The following AKT3 variants were observed in gnomAD, a reference collection of about 807,000 sequenced individuals.
The protein encoded by AKT3 is RAC-gamma serine/threonine-protein kinase.
In AKT3, 15 loss-of-function variants were observed where a neutral mutation model predicts 65.3. That is an observed-to-expected ratio of 0.23 (90% CI 0.15 to 0.35). The LOEUF (loss-of-function observed/expected upper bound fraction) is 0.35. Among genes scored for constraint, AKT3 ranks in the 10% least tolerant of loss-of-function variants. AKT3 has a pLI of 1.00. For synonymous variants in AKT3, 206 were observed against 183.8 expected, an observed-to-expected ratio of 1.12 and a Z score of -0.98; for missense variants, 243 against 576.5, an observed-to-expected ratio of 0.42 and a Z score of 5.92.
chr1:243,686,382 T>A (rs1684293130), intron 3 of AKT3, among the ~76,000 whole-genome samples: 1 of 151,762 alleles, frequency 6.6e-6, no homozygotes, highest in Admixed American at 6.6e-5. Flanking sequence ...AGGCATGAAA[T>A]GAAACTAGAA....
At chr1:243,628,277 CACTT>C (rs1301530503) in intron 6 of AKT3, among the ~76,000 whole-genome samples, 1 of 152,074 alleles carries the variant, frequency 6.6e-6, no homozygotes, top group Non-Finnish European at 1.5e-5. Flanking sequence ...TGCAAGAAGA[CACTT>C]ACCATATTCA....
At chr1:243,603,267 G>A (rs1010424400) in intron 8 of AKT3, among the ~76,000 whole-genome samples, 5 of 152,168 alleles carry the variant, frequency 3.3e-5, no homozygotes, top group African/African-American at 1.2e-4. Flanking sequence ...TACAGCCAAG[G>A]TGCATACCTT....
rs555968559 is a variant in AKT3, at chr1:243,778,214, T to C, written c.46+64911A>G. On this transcript the variant is annotated intron_variant, in intron 2 of 13. Transcript: ENST00000673466. The stretch of plus-strand genomic sequence containing the variant: ...ATAACATACATTAATGCTTTTCTAC[T>C]GGGAATACAGTGAAAAAAATACACT... Among the ~76,000 whole-genome samples the C allele has an allele frequency of 6.0e-4, 91 of 152,310 alleles. 1 individual carries two copies. In the South Asian group the frequency reaches 0.013, roughly 22 times the overall value.
At chr1:243,821,905 T>C (rs1184892813) in intron 2 of AKT3, among the ~76,000 whole-genome samples, 1 of 152,192 alleles carries the variant, frequency 6.6e-6, no homozygotes, top group Non-Finnish European at 1.5e-5. Flanking sequence ...ATTCAGGACC[T>C]GAACTCAGCT....
At chr1:243,538,372 CAA>C (rs977315935) in intron 12 of AKT3, among the ~76,000 whole-genome samples, 40 of 139,176 alleles carry the variant, frequency 2.9e-4, no homozygotes, top group African/African-American at 1.0e-3. Context: ...AGAAGGCAGA[CAA>C]AGAGAAAAAA....
intron 13 of AKT3, among the ~76,000 whole-genome samples, chr1:243,507,055 T>TC (rs768061210): frequency 1.3e-5 from 2 of 152,228 alleles, no homozygotes; most frequent in Non-Finnish European, 2.9e-5. Flanking sequence ...TAAACAATTT[T>TC]CCTCACCAAC....
At chr1:243,691,934 A>C (rs1456931833) in intron 3 of AKT3, among the ~76,000 whole-genome samples, 1 of 152,346 alleles carries the variant, frequency 6.6e-6, no homozygotes, top group East Asian at 1.9e-4. Flanking sequence ...GTTAAATACC[A>C]GAACTGTGCA....
chr1:243,819,102 C>G (rs1693705674), intron 2 of AKT3, among the ~76,000 whole-genome samples: 1 of 152,252 alleles, frequency 6.6e-6, no homozygotes, highest in Non-Finnish European at 1.5e-5. Flanking sequence ...GTTTGGCGGT[C>G]ACTCAACTGG....
intron 6 of AKT3, among the ~76,000 whole-genome samples, chr1:243,633,355 T>A (rs1266022601): frequency 6.6e-6 from 1 of 152,164 alleles, no homozygotes; most frequent in Non-Finnish European, 1.5e-5. Flanking sequence ...CAAAAAAATA[T>A]AAAAGCTAGT....
chr1:243,592,118 G>A lies in AKT3; in HGVS notation c.697-19070C>T, dbSNP rs146037737. On this transcript the variant is annotated intron_variant, in intron 8 of 13. Transcript: ENST00000673466. ...TGGGAGGCCAAGCTGGGCGGATCAC[G>A]AGGTCAGGAGATCGAGACCATCCTG... Among the ~76,000 whole-genome samples the A allele has an allele frequency of 5.1e-3, 776 of 152,150 alleles. 9 individuals carry two copies. The highest frequency in any genetic ancestry group is 0.018 in the African/African-American group (734 of 41,514).
At chr1:243,646,676 C>T (rs976973302) in intron 4 of AKT3, among the ~76,000 whole-genome samples, 2 of 151,888 alleles carry the variant, frequency 1.3e-5, no homozygotes, top group Non-Finnish European at 2.9e-5. Context: ...TTAAGTTGAC[C>T]CCCTAAAAGT....
intron 2 of AKT3, among the ~76,000 whole-genome samples, chr1:243,811,484 AAGG>A (rs1328354291): frequency 1.3e-5 from 2 of 152,236 alleles, no homozygotes; most frequent in Non-Finnish European, 1.5e-5. Context: ...GACCTCCTTC[AAGG>A]AGAACTACAA....
intron 12 of AKT3, among the ~76,000 whole-genome samples, chr1:243,532,684 A>C (rs1671621996): frequency 6.6e-6 from 1 of 152,018 alleles, no homozygotes; most frequent in South Asian, 2.1e-4. Context: ...GAGAGTGTTC[A>C]CTCCTCTTCA....
intron 2 of AKT3, among the ~76,000 whole-genome samples, chr1:243,817,671 C>CAACCT (rs1327029913): frequency 7.9e-4 from 121 of 152,314 alleles, no homozygotes; most frequent in African/African-American, 2.8e-3. Context: ...ACCTAGAAGG[C>CAACCT]AGAGGTTGCA....
chr1:243,545,647 T>C, intron 11 of AKT3, 50 bp from the exon 12 acceptor site: 1 of 1,293,056 alleles, frequency 7.7e-7, no homozygotes. Context: ...TTACATAAGC[T>C]CAAAGCATAA....
At position 243,590,223 on chromosome 1, in the gene AKT3, A is replaced by T. The variant is rs145697908; in HGVS notation, c.697-17175T>A. ...TACTGTATATTTAAAATTTGCTAAG[A>T]GAGTAGGTCTTAGGTATTCTCATCA... is the stretch of plus-strand genomic sequence containing the variant. On this transcript the variant is annotated intron_variant, in intron 8 of 13. Transcript: ENST00000673466. Among the ~76,000 whole-genome samples the T allele has an allele frequency of 8.5e-5, 13 of 152,304 alleles. No individual in the cohort carries two copies. The East Asian group carries it at 2.5e-3, about 29-fold the overall frequency.
chr1:243,810,833 T>A (rs1424181617), intron 2 of AKT3, among the ~76,000 whole-genome samples: 2 of 152,148 alleles, frequency 1.3e-5, no homozygotes, highest in Non-Finnish European at 2.9e-5. Context: ...TCCACCATGA[T>A]CAAGTGGGCT....
intron 13 of AKT3, chr1:243,489,171 T>A (rs753367342): frequency 3.7e-6 from 6 of 1,608,118 alleles, no homozygotes; most frequent in Non-Finnish European, 5.1e-6. Context: ...CAGGTGGGAG[T>A]CCTTGGGCGG....
At chr1:243,832,754 G>A (rs1694619753) in intron 2 of AKT3, among the ~76,000 whole-genome samples, 1 of 152,208 alleles carries the variant, frequency 6.6e-6, no homozygotes, top group Admixed American at 6.5e-5. Flanking sequence ...GCTGGAAAGT[G>A]AGAGGGAGAT....
Sources: gnomAD v4.1 joint callset for allele counts (sites outside exome capture counted in the v4.1 genomes callset) on GRCh38, gnomAD v4.1.1 for gene constraint, MANE v1.5 for transcripts, NCBI Gene and HGNC (gene_info 2026-07-23, HGNC 2026-07-21) for gene names.